Variants in DNAH7 observed in about 807,000 individuals in gnomAD.
The protein encoded by DNAH7 is dynein axonemal heavy chain 7.
In DNAH7, 397 loss-of-function variants were observed where a neutral mutation model predicts 444.6. That is an observed-to-expected ratio of 0.89 (90% CI 0.82 to 0.97). DNAH7 has a LOEUF of 0.97. Among genes scored for constraint, DNAH7 ranks in the 50% least tolerant of loss-of-function variants. The pLI is 0.00. For synonymous variants in DNAH7, 1,636 were observed against 1,624.4 expected, an observed-to-expected ratio of 1.01 and a Z score of -0.17; for missense variants, 4,902 against 4,800.8, an observed-to-expected ratio of 1.02 and a Z score of -0.62.
chr2:195,752,158 G>A (rs970327799), intron 63 of DNAH7, among the ~76,000 whole-genome samples: 1 of 152,004 alleles, frequency 6.6e-6, no homozygotes, highest in Non-Finnish European at 1.5e-5. Flanking sequence ...TCTGGTCTCA[G>A]CTACTCAGGA....
At chr2:195,904,782 G>A (rs1686913615) in intron 27 of DNAH7, 1 of 152,124 alleles carries the variant, frequency 6.6e-6, no homozygotes, top group Admixed American at 6.6e-5. Flanking sequence ...CCCTGGGCTT[G>A]GTGACTGACT....
At chr2:195,806,299 T>C (rs1424984983) in intron 54 of DNAH7, among the ~76,000 whole-genome samples, 2 of 152,196 alleles carry the variant, frequency 1.3e-5, no homozygotes, top group Non-Finnish European at 2.9e-5. Context: ...TTTTCCTTTG[T>C]TGTCAATAAT....
In DNAH7 at chr2:195,737,738, AT is replaced by A; in HGVS notation, c.*182del. On this transcript the variant is annotated 3_prime_UTR_variant, in exon 65 of 65. Transcript: ENST00000312428. ...TTTTCTTTAGTCTTTATTTCAGAAC[AT>A]TTCCTTACATTTAAGTATGAGTCAT... 1.8e-6 allele frequency: 1 copy of A among 546,828 alleles called. No homozygotes were observed. Among genetic ancestry groups the A allele is most frequent in the East Asian group, 3.1e-5 (1 of 32,604 alleles). The allele number at this position is 546,828 out of a possible 1,614,324, so 33.9% of individuals were successfully genotyped here.
At chr2:195,877,982 C>T (rs1478563166) in intron 36 of DNAH7, among the ~76,000 whole-genome samples, 1 of 151,996 alleles carries the variant, frequency 6.6e-6, no homozygotes, top group African/African-American at 2.4e-5. Flanking sequence ...ATTAAAATTT[C>T]TTTTATGATT....
Position 196,062,876 on chromosome 2 carries a change from TTTTG to T in DNAH7, c.16-4764_16-4761del, listed in dbSNP as rs1255138735. Among the ~76,000 whole-genome samples, 19 of 152,124 alleles carry T rather than the reference TTTTG, an allele frequency of 1.2e-4. No homozygotes were observed. The East Asian group carries it at 3.5e-3, about 28-fold the overall frequency. Reference sequence around the variant, plus strand: ...ACATTTGCTGTTAATGGCAGCATGGTTTTGTTTTTGTTTTTTGTTTGTTTGACAC... The same window carrying T: ...ACATTTGCTGTTAATGGCAGCATGGTTTTTTGTTTTTTGTTTGTTTGACAC... On this transcript the variant is annotated intron_variant, in intron 1 of 64. Transcript: ENST00000312428.
At chr2:195,801,750 A>G (rs537109962) in intron 54 of DNAH7, among the ~76,000 whole-genome samples, 1 of 152,294 alleles carries the variant, frequency 6.6e-6, no homozygotes, top group Admixed American at 6.5e-5. Flanking sequence ...TTATTTATAC[A>G]AGATCTGTAA....
intron 5 of DNAH7, 51 bp downstream of exon 5, chr2:196,047,301 G>T (rs767424379): frequency 1.4e-6 from 2 of 1,441,730 alleles, no homozygotes; most frequent in Non-Finnish European, 1.8e-6. Context: ...GTTAAACGTT[G>T]CCAGGGGCTC....
At chr2:196,042,504 T>C (rs1216142121) in intron 5 of DNAH7, among the ~76,000 whole-genome samples, 1 of 151,904 alleles carries the variant, frequency 6.6e-6, no homozygotes, top group African/African-American at 2.4e-5. Context: ...TTCCAATGCA[T>C]ACAGCAGCAG....
chr2:195,915,547 A>G (rs1003405283), intron 24 of DNAH7, among the ~76,000 whole-genome samples: 1 of 152,232 alleles, frequency 6.6e-6, no homozygotes, highest in Non-Finnish European at 1.5e-5. Flanking sequence ...AGAAGAAAAG[A>G]GTATTGAGCA....
intron 11 of DNAH7, among the ~76,000 whole-genome samples, chr2:196,001,395 C>T (rs1310755620): frequency 4.0e-5 from 6 of 149,460 alleles, no homozygotes; most frequent in African/African-American, 7.6e-5. Flanking sequence ...GACAGGGTCT[C>T]GCTCTGTTGT....
chr2:195,924,144 T>G (rs1688191212), intron 22 of DNAH7, among the ~76,000 whole-genome samples: 1 of 152,144 alleles, frequency 6.6e-6, no homozygotes, highest in South Asian at 2.1e-4. Context: ...CCAGAGCCAA[T>G]CACAGTTCTT....
intron 18 of DNAH7, 118 bp from the exon 19 acceptor site, chr2:195,957,565 A>G (rs2125513594): frequency 2.0e-6 from 1 of 502,618 alleles, no homozygotes; most frequent in Non-Finnish European, 3.4e-6. Context: ...CAATTGTTAT[A>G]CATTATATAC....
At position 195,872,887 on chromosome 2, in the gene DNAH7, A is replaced by G. The variant is rs575901630; in HGVS notation, c.6414-418T>C. On this transcript the variant is annotated intron_variant, in intron 39 of 64. Transcript: ENST00000312428. Reference sequence around the variant, plus strand: ...CTGGTGAAACAGGTATTTTCAGAGGAAAAAAAGGAAGAAAATTAAAATACG... The same window carrying G: ...CTGGTGAAACAGGTATTTTCAGAGGGAAAAAAGGAAGAAAATTAAAATACG... Among the ~76,000 whole-genome samples the G allele has an allele frequency of 7.9e-5, 12 of 152,284 alleles. No homozygotes were observed. The East Asian group carries it at 1.3e-3, about 17-fold the overall frequency.
At position 196,068,702 on chromosome 2, in the gene DNAH7, C is replaced by T. The variant is rs776062649; in HGVS notation, c.10G>A (p.Glu4Lys). The T allele has an allele frequency of 9.7e-6, 15 of 1,551,556 alleles. No homozygotes were observed. The highest frequency in any genetic ancestry group is 2.7e-5 in the African/African-American group (2 of 73,140). The change falls in exon 1 of 65, where the codon GAG (glutamate) becomes AAG (lysine). Residue 4 changes from glutamate to lysine, a missense_variant. Coordinates refer to ENST00000312428, the MANE Select transcript of DNAH7 (RefSeq NM_018897.3). Reference protein sequence around the residue: MSSEQDKSASKEKS... With the variant: MSSKQDKSASKEKS... ...GCAAAGAGCAGCCCTCTCACCTGCT[C>T]ACTGCTCATGGCTGCGAGGACGCGC...
At chr2:195,811,177 T>C (rs1189918900) in intron 51 of DNAH7, among the ~76,000 whole-genome samples, 3 of 152,206 alleles carry the variant, frequency 2.0e-5, no homozygotes, top group African/African-American at 7.2e-5. Flanking sequence ...ATTCCTCTGA[T>C]GGAATTGTGT....
At chr2:195,850,016 C>T (rs185755834) in intron 46 of DNAH7, among the ~76,000 whole-genome samples, 1 of 152,224 alleles carries the variant, frequency 6.6e-6, no homozygotes, top group East Asian at 1.9e-4. Flanking sequence ...GGCATGCTAG[C>T]CTATGACATA....
In DNAH7 at chr2:195,906,989, G is replaced by A. The variant is rs770307885; in HGVS notation, c.4125C>T (p.Ala1375=). The change falls in exon 26 of 65, where the codon GCC becomes GCT. Residue 1375 remains alanine, a synonymous_variant. Transcript: ENST00000312428. ...TGTTAAACTCATCAAAGCAAGCCCA[G>A]GCTCCACAAGATAACAGTCCCTATG... ...KFFKGLLSCG[A]WACFDEFNRI... is the part of the protein sequence containing the mutation. The A allele has an allele frequency of 7.4e-6, 12 of 1,612,438 alleles. No individual in the cohort carries two copies. The East Asian group carries it at 2.5e-4, about 33-fold the overall frequency.
chr2:195,876,253 A>G (rs192858690), intron 37 of DNAH7, among the ~76,000 whole-genome samples: 71 of 152,332 alleles, frequency 4.7e-4, no homozygotes, highest in Non-Finnish European at 9.4e-4. Flanking sequence ...GGTCTACAAA[A>G]GCAAGCAGCA....
Position 195,957,244 on chromosome 2 carries a change from GAGATTTTTTCACCT to G in DNAH7, c.3078+3_3078+16del. On this transcript the variant is annotated splice_donor_5th_base_variant and intron_variant, in intron 19 of 64. Transcript: ENST00000312428. ...CTTCAACCAAATAATGACATTTTTG[GAGATTTTTTCACCT>G]ACCTGCATGACACTTCTCATTATAT... The G allele has an allele frequency of 6.8e-7, 1 of 1,469,318 alleles. No homozygotes were observed. Among genetic ancestry groups the G allele is most frequent in the South Asian group, 1.4e-5 (1 of 69,354 alleles). 91.0% of individuals were successfully genotyped at this position (1,469,318 alleles called of 1,614,324 possible). A position where few individuals can be genotyped will look rare whatever the true frequency, so the allele number is the denominator to read the frequency against.
Sources: gnomAD v4.1 joint callset for allele counts (sites outside exome capture counted in the v4.1 genomes callset) on GRCh38, gnomAD v4.1.1 for gene constraint, MANE v1.5 for transcripts, NCBI Gene and HGNC (gene_info 2026-07-23, HGNC 2026-07-21) for gene names.